RBMS2: variants seen among roughly 807,000 people sequenced by gnomAD.
The protein encoded by RBMS2 is RNA binding motif single stranded interacting protein 2, also known as RNA-binding motif, single-stranded-interacting protein 2.
RBMS2 carries 38 observed loss-of-function variants against 58.4 expected under a neutral mutation model. That is an observed-to-expected ratio of 0.65 (90% CI 0.50 to 0.85). The LOEUF is 0.85. Ranked by LOEUF, RBMS2 falls within the 40% of genes least tolerant of loss-of-function variation. The pLI, the probability that RBMS2 is intolerant of heterozygous loss-of-function variation, is 0.00. For synonymous variants in RBMS2, 151 were observed against 180.7 expected, an observed-to-expected ratio of 0.84 and a Z score of 1.32; for missense variants, 367 against 503.7, an observed-to-expected ratio of 0.73 and a Z score of 2.60.
intron 1 of RBMS2, among the ~76,000 whole-genome samples, chr12:56,543,093 C>A (rs1166908271): frequency 6.6e-6 from 1 of 152,040 alleles, no homozygotes; most frequent in Non-Finnish European, 1.5e-5. Context: ...AGGCTGGTCT[C>A]AAACTCCTGG....
At chr12:56,520,851 C>T (rs1871652965), upstream of RBMS2, among the ~76,000 whole-genome samples, 1 of 151,982 alleles carries the variant, frequency 6.6e-6, no homozygotes, top group African/African-American at 2.4e-5. Flanking sequence ...TTTCATGGAT[C>T]TTAAAGATGA....
At chr12:56,520,601 C>T (rs1232542344), upstream of RBMS2, among the ~76,000 whole-genome samples, 1 of 152,110 alleles carries the variant, frequency 6.6e-6, no homozygotes, top group Non-Finnish European at 1.5e-5. Context: ...GTTAAGGTTA[C>T]GCCTACAAAG....
At chr12:56,561,446 A>C (rs1035263504) in intron 1 of RBMS2, among the ~76,000 whole-genome samples, 7 of 151,882 alleles carry the variant, frequency 4.6e-5, no homozygotes, top group African/African-American at 1.7e-4. Flanking sequence ...TTATTTTTTT[A>C]CTTTTTAATA....
At chr12:56,583,168 A>G (rs1884212676) in intron 9 of RBMS2, among the ~76,000 whole-genome samples, 1 of 152,202 alleles carries the variant, frequency 6.6e-6, no homozygotes, top group Non-Finnish European at 1.5e-5. Context: ...ATATTTTTAT[A>G]TATGAATGCT....
chr12:56,525,324 C>T (rs1349628163), intron 1 of RBMS2, among the ~76,000 whole-genome samples: 1 of 150,470 alleles, frequency 6.6e-6, no homozygotes, highest in Non-Finnish European at 1.5e-5. Context: ...TGGGTTCAAG[C>T]GATTCTCCCG....
chr12:56,564,046 T>C (rs147705676), intron 2 of RBMS2, among the ~76,000 whole-genome samples: 2 of 152,130 alleles, frequency 1.3e-5, no homozygotes, highest in Non-Finnish European at 2.9e-5. Context: ...AGAATCTTTT[T>C]TTTTTAAGAC....
At chr12:56,587,823 T>G (rs1347029229) in intron 11 of RBMS2, 159 bp downstream of exon 11, 2 of 743,480 alleles carry the variant, frequency 2.7e-6, no homozygotes, top group Non-Finnish European at 3.3e-6. Flanking sequence ...TAGTGCTCCA[T>G]GAGCCAGGAA....
chr12:56,561,765 CCCT>C (rs200717648), intron 1 of RBMS2, among the ~76,000 whole-genome samples: 15,842 of 63,400 alleles, frequency 0.25, 1,013 homozygotes, highest in South Asian at 0.46. Context: ...TCCACCCCCC[CCCT>C]CCTTGGCCTC....
intron 1 of RBMS2, among the ~76,000 whole-genome samples, chr12:56,537,840 T>C (rs1201990672): frequency 9.9e-6 from 1 of 101,440 alleles, no homozygotes; most frequent in African/African-American, 3.5e-5. Context: ...ACACTTGTTG[T>C]TTTCTGCCTT....
At position 56,562,365 on chromosome 12, in the gene RBMS2, T is replaced by A. The variant is rs1880580152; in HGVS notation, c.67-52T>A. ...AAGAGGTCCAGGATCTTCCTCACTCTCCAACATGTAAATGGATAATCCTTC... is the reference window on the plus strand; with the variant it reads ...AAGAGGTCCAGGATCTTCCTCACTCACCAACATGTAAATGGATAATCCTTC... On this transcript the variant is annotated intron_variant, in intron 1 of 13. Transcript: ENST00000262031. 2.0e-6 allele frequency: 3 copies of A among 1,509,628 alleles called. No individual in the cohort carries two copies. The East Asian group carries it at 6.8e-5, about 34-fold the overall frequency. The allele number at this position is 1,509,628 out of a possible 1,614,324, so 93.5% of individuals were successfully genotyped here. A position where few individuals can be genotyped will look rare whatever the true frequency, so the allele number is the denominator to read the frequency against.
At chr12:56,568,821 C>T (rs1881806662) in intron 2 of RBMS2, among the ~76,000 whole-genome samples, 154 bp from the exon 3 acceptor site, 1 of 152,126 alleles carries the variant, frequency 6.6e-6, no homozygotes, top group Non-Finnish European at 1.5e-5. Flanking sequence ...TGAGCTACTG[C>T]ACCCGGCCCC....
rs1885686288 is a variant in RBMS2, at chr12:56,595,490, TAC to T, written c.*6360_*6361del. ...ATGCCAATGCCACCATTCTAAAACT[TAC>T]ACTCCTTTTCTACCCCTGGTCTTTT... On this transcript the variant is annotated 3_prime_UTR_variant, in exon 14 of 14. Transcript: ENST00000262031. 6.6e-6 allele frequency: 1 copy of T among 152,174 alleles called. No individual in the cohort carries two copies. Among genetic ancestry groups the T allele is most frequent in the Non-Finnish European group, 1.5e-5 (1 of 68,030 alleles). The allele number at this position is 152,174 out of a possible 1,614,324, so 9.4% of individuals were successfully genotyped here.
chr12:56,575,446 A>G (rs1041804066), intron 5 of RBMS2, among the ~76,000 whole-genome samples: 3 of 151,844 alleles, frequency 2.0e-5, no homozygotes, highest in East Asian at 3.9e-4. Flanking sequence ...CAATAAATAA[A>G]TCAATACAGG....
intron 9 of RBMS2, among the ~76,000 whole-genome samples, chr12:56,582,703 C>A (rs918245048): frequency 6.6e-6 from 1 of 152,192 alleles, no homozygotes; most frequent in African/African-American, 2.4e-5. Context: ...GCGTCTCCCT[C>A]TGTTGCCCAG....
At chr12:56,546,996 A>G (rs914047013) in intron 1 of RBMS2, among the ~76,000 whole-genome samples, 3 of 152,246 alleles carry the variant, frequency 2.0e-5, no homozygotes, top group African/African-American at 7.2e-5. Flanking sequence ...TCTAGTAGGT[A>G]TAAAGTGATA....
At chr12:56,520,512 CTTTCA>C (rs1176876602), upstream of RBMS2, among the ~76,000 whole-genome samples, 9 of 152,140 alleles carry the variant, frequency 5.9e-5, no homozygotes, top group Non-Finnish European at 4.4e-5. Context: ...GATTTGAAGG[CTTTCA>C]TTTAACATCC....
intron 1 of RBMS2, among the ~76,000 whole-genome samples, chr12:56,550,073 A>G (rs2638298): frequency 0.94 from 143,737 of 152,278 alleles, 68,219 homozygotes; most frequent in East Asian, 1. Flanking sequence ...TAATCCTCCT[A>G]TACTATGGTG....
chr12:56,562,316 T>C (rs1592428811), intron 1 of RBMS2, 101 bp from the exon 2 acceptor site: 2 of 1,138,212 alleles, frequency 1.8e-6, no homozygotes, highest in East Asian at 2.5e-5. Context: ...TTTGTGATTA[T>C]ATATAGTTTG....
chr12:56,551,459 A>G (rs999815725), intron 1 of RBMS2, among the ~76,000 whole-genome samples: 1 of 152,230 alleles, frequency 6.6e-6, no homozygotes, highest in Non-Finnish European at 1.5e-5. Flanking sequence ...GCAAAGAAAT[A>G]TGTAAAGAAA....
Sources: gnomAD v4.1 joint callset for allele counts (sites outside exome capture counted in the v4.1 genomes callset) on GRCh38, gnomAD v4.1.1 for gene constraint, MANE v1.5 for transcripts, NCBI Gene and HGNC (gene_info 2026-07-23, HGNC 2026-07-21) for gene names.